Variants in GRID2 observed in about 807,000 individuals in gnomAD.
The protein encoded by GRID2 is glutamate ionotropic receptor delta type subunit 2.
In GRID2, 33 loss-of-function variants were observed where a neutral mutation model predicts 114.8. The ratio of observed to expected loss-of-function variants is 0.29; its 90% confidence interval spans 0.22 to 0.38. GRID2 has a LOEUF of 0.38. Ranked by LOEUF, GRID2 falls within the 10% of genes least tolerant of loss-of-function variation. The pLI is 1.00. For missense variants in GRID2, 1,184 were observed against 1,257.7 expected, an observed-to-expected ratio of 0.94 and a Z score of 0.89; for synonymous variants, 505 against 449.9, an observed-to-expected ratio of 1.12 and a Z score of -1.55.
intron 1 of GRID2, among the ~76,000 whole-genome samples, chr4:92,438,078 T>C (rs1290893276): frequency 6.6e-6 from 1 of 152,208 alleles, no homozygotes; most frequent in African/African-American, 2.4e-5. Context: ...GTTAAGTATT[T>C]CCTAAGACTA....
intron 1 of GRID2, among the ~76,000 whole-genome samples, chr4:93,802,352 T>C (rs958284355): frequency 7.2e-5 from 11 of 151,966 alleles, no homozygotes; most frequent in Non-Finnish European, 1.3e-4. Context: ...CCCACTGCCA[T>C]TGACTTTGAC....
chr4:92,719,354 A>G (rs1735703336), intron 2 of GRID2, among the ~76,000 whole-genome samples: 2 of 152,288 alleles, frequency 1.3e-5, no homozygotes, highest in African/African-American at 2.4e-5. Context: ...CTATAACCAT[A>G]TGTTTATAGA....
intron 14 of GRID2, among the ~76,000 whole-genome samples, chr4:93,737,462 C>T (rs973021493): frequency 6.6e-6 from 1 of 152,056 alleles, no homozygotes; most frequent in African/African-American, 2.4e-5. Context: ...TCATTACTCA[C>T]ACCTGTAGTT....
In GRID2 at chr4:93,769,246, C is replaced by T. The variant is rs763503476; in HGVS notation, c.2397C>T (p.Ile799=). Residue 799 remains isoleucine (I), a synonymous_variant, in exon 15 of 16, where the codon ATC becomes ATT. Coordinates refer to ENST00000282020, the MANE Select transcript of GRID2 (RefSeq NM_001510.4). ...LELQQNGDMD[I]LKHKWWPKNG... is the part of the protein sequence containing the mutation. The stretch of plus-strand genomic sequence containing the variant: ...TTCAGCAGAATGGTGACATGGACAT[C>T]CTGAAGCACAAATGGTGGCCTAAGA... 6.2e-6 allele frequency: 10 copies of T among 1,613,692 alleles called. 1 individual carries two copies. In the South Asian group the frequency reaches 1.1e-4, roughly 18 times the overall value.
At chr4:92,392,326 G>A (rs1054522981) in intron 1 of GRID2, among the ~76,000 whole-genome samples, 2 of 151,942 alleles carry the variant, frequency 1.3e-5, no homozygotes, top group African/African-American at 2.4e-5. Context: ...AGGTCACAAG[G>A]TCAGGAGATC....
intron 1 of GRID2, among the ~76,000 whole-genome samples, chr4:93,788,479 G>A (rs1230605989): frequency 6.6e-6 from 1 of 151,932 alleles, no homozygotes; most frequent in Non-Finnish European, 1.5e-5. Context: ...TTCACAATGT[G>A]AGTATATATA....
intron 2 of GRID2, among the ~76,000 whole-genome samples, chr4:92,619,707 T>A (rs1252252282): frequency 1.3e-5 from 2 of 151,790 alleles, no homozygotes; most frequent in African/African-American, 4.8e-5. Context: ...ACACTCTTCT[T>A]ATGTGATGTT....
chr4:92,923,972 C>T (rs1006169570), intron 2 of GRID2, among the ~76,000 whole-genome samples: 1 of 152,132 alleles, frequency 6.6e-6, no homozygotes, highest in Non-Finnish European at 1.5e-5. Context: ...CGGCACTATT[C>T]ACAATAGCAA....
intron 2 of GRID2, among the ~76,000 whole-genome samples, chr4:92,874,222 C>T (rs759023640): frequency 7.2e-5 from 11 of 152,122 alleles, no homozygotes; most frequent in East Asian, 1.9e-4. Context: ...TGACTGATTT[C>T]GTCTTGTTTT....
intron 1 of GRID2, among the ~76,000 whole-genome samples, chr4:92,469,740 T>G (rs1437311901): frequency 6.6e-6 from 1 of 151,748 alleles, no homozygotes; most frequent in East Asian, 1.9e-4. Flanking sequence ...TAACCCAACT[T>G]AGTTAGATTC....
intron 13 of GRID2, among the ~76,000 whole-genome samples, chr4:93,515,896 A>C (rs1318717559): frequency 4.6e-5 from 7 of 152,182 alleles, no homozygotes; most frequent in Admixed American, 4.6e-4. Context: ...TTTCTATTCC[A>C]AATGTGAAAA....
chr4:92,343,661 C>A (rs987664296), intron 1 of GRID2, among the ~76,000 whole-genome samples: 1 of 151,572 alleles, frequency 6.6e-6, no homozygotes, highest in African/African-American at 2.4e-5. Flanking sequence ...GGAACCTCTG[C>A]CTCCGAGGTT....
At chr4:92,945,095 T>G (rs1355664255) in intron 2 of GRID2, among the ~76,000 whole-genome samples, 12 of 152,204 alleles carry the variant, frequency 7.9e-5, no homozygotes, top group Non-Finnish European at 1.8e-4. Flanking sequence ...ATTTTAACTG[T>G]TCCTGTAAGT....
chr4:93,319,348 G>C (rs1292320330), intron 8 of GRID2, among the ~76,000 whole-genome samples: 1 of 152,078 alleles, frequency 6.6e-6, no homozygotes, highest in Non-Finnish European at 1.5e-5. Flanking sequence ...TAAGAAAATA[G>C]AGGCTACTGT....
intron 4 of GRID2, among the ~76,000 whole-genome samples, chr4:93,172,076 T>C (rs969011957): frequency 3.3e-5 from 5 of 152,222 alleles, no homozygotes; most frequent in African/African-American, 1.2e-4. Context: ...CATGATATCC[T>C]TCCTGACCTC....
At chr4:92,816,077 A>T (rs1312326071) in intron 2 of GRID2, among the ~76,000 whole-genome samples, 1 of 151,558 alleles carries the variant, frequency 6.6e-6, no homozygotes, top group African/African-American at 2.4e-5. Context: ...GCACTTTGGG[A>T]GGCCAAGGCA....
At chr4:92,448,728 A>T (rs1733599262) in intron 1 of GRID2, among the ~76,000 whole-genome samples, 2 of 152,172 alleles carry the variant, frequency 1.3e-5, no homozygotes, top group Non-Finnish European at 2.9e-5. Flanking sequence ...TTCAATTATT[A>T]AAATCAAATA....
intron 1 of GRID2, among the ~76,000 whole-genome samples, chr4:92,327,071 A>T (rs1022838221): frequency 2.6e-5 from 4 of 152,008 alleles, no homozygotes; most frequent in African/African-American, 4.8e-5. Flanking sequence ...TAAAAAATTT[A>T]AAAAAGGCAA....
intron 2 of GRID2, among the ~76,000 whole-genome samples, chr4:92,641,121 T>C (rs532248498): frequency 1.3e-5 from 2 of 151,910 alleles, no homozygotes; most frequent in East Asian, 3.9e-4. Context: ...GAAGTTTCTT[T>C]GGTGGATCAA....
Sources: allele counts gnomAD v4.1 joint callset (sites outside exome capture counted in the v4.1 genomes callset), GRCh38; gene constraint gnomAD v4.1.1; transcripts MANE v1.5; gene names NCBI Gene and HGNC (gene_info 2026-07-23, HGNC 2026-07-21).